CYP2U1: variants seen among roughly 807,000 people sequenced by gnomAD.
The protein encoded by CYP2U1 is cytochrome P450 family 2 subfamily U member 1.
Under a neutral mutation model 42.8 loss-of-function variants are expected in CYP2U1, and 28 were observed. That is an observed-to-expected ratio of 0.65 (90% CI 0.48 to 0.90). The LOEUF (loss-of-function observed/expected upper bound fraction) is 0.90. Among genes scored for constraint, CYP2U1 ranks in the 40% least tolerant of loss-of-function variants. CYP2U1 has a pLI of 0.00. For missense variants in CYP2U1, 642 were observed against 693.8 expected (o/e 0.93, Z 0.84); for synonymous variants, 296 against 278.9 (o/e 1.06, Z -0.61).
At chr4:107,932,542 G>A (rs549326806) in intron 1 of CYP2U1, among the ~76,000 whole-genome samples, 1 of 152,174 alleles carries the variant, frequency 6.6e-6, no homozygotes, top group African/African-American at 2.4e-5. Context: ...TGTGGGTTTC[G>A]AATGTAAGAA....
At chr4:107,945,644 G>T in intron 2 of CYP2U1, 39 bp downstream of exon 2, 1 of 1,522,504 alleles carries the variant, frequency 6.6e-7, no homozygotes, top group South Asian at 1.3e-5. Flanking sequence ...GGCAAAACCA[G>T]GTAATTTAAA....
Position 107,952,049 on chromosome 4 carries a change from T to C in CYP2U1, c.*1626T>C, listed in dbSNP as rs1156616230. The stretch of plus-strand genomic sequence containing the variant: ...CTGGAGTTGTGTGTGTCTGTCTTCA[T>C]CCCAGGCTGAGCTCCTTGAGGTGAG... On this transcript the variant is annotated 3_prime_UTR_variant, in exon 5 of 5. Transcript: ENST00000332884. The C allele has an allele frequency of 6.6e-6, 1 of 152,322 alleles. No homozygotes were observed. Among genetic ancestry groups the C allele is most frequent in the Non-Finnish European group, 1.5e-5 (1 of 68,084 alleles). 9.4% of individuals were successfully genotyped at this position (152,322 alleles called of 1,614,324 possible).
At chr4:107,940,085 C>CT (rs375033950) in intron 1 of CYP2U1, 24,042 of 142,422 alleles carry the variant, frequency 0.17, 2,141 homozygotes, top group Non-Finnish European at 0.21. Flanking sequence ...CTTTTTTTTC[C>CT]TTTTTTTTTT....
At position 107,949,342 on chromosome 4, in the gene CYP2U1, T is replaced by C. The variant is rs1733827276; in HGVS notation, c.1289-8T>C. ...TGAATAACACCCATATGTTTCCTTTTGTTTTAGTGCTCCAAGGGTATACCA... is the reference window on the plus strand; with the variant it reads ...TGAATAACACCCATATGTTTCCTTTCGTTTTAGTGCTCCAAGGGTATACCA... On this transcript the variant is annotated splice_region_variant and splice_polypyrimidine_tract_variant and intron_variant, in intron 3 of 4. Coordinates refer to ENST00000332884, the MANE Select transcript of CYP2U1 (RefSeq NM_183075.3). 1.3e-6 allele frequency: 2 copies of C among 1,496,842 alleles called. No homozygotes were observed. The highest frequency in any genetic ancestry group is 1.8e-6 in the Non-Finnish European group (2 of 1,118,508). The allele number at this position is 1,496,842 out of a possible 1,614,324, so 92.7% of individuals were successfully genotyped here.
At chr4:107,947,593 C>G in intron 3 of CYP2U1, 56 bp downstream of exon 3, 1 of 1,581,990 alleles carries the variant, frequency 6.3e-7, no homozygotes, top group South Asian at 1.1e-5. Flanking sequence ...GCCCTCTAAT[C>G]CAGGGTAGTT....
intron 1 of CYP2U1, among the ~76,000 whole-genome samples, chr4:107,939,450 A>G (rs1022708640): frequency 1.3e-5 from 2 of 152,232 alleles, no homozygotes; most frequent in African/African-American, 4.8e-5. Flanking sequence ...ATACCATACC[A>G]GAGGAATGTT....
At position 107,932,072 on chromosome 4, in the gene CYP2U1, G is replaced by C; in HGVS notation, c.429G>C (p.Gln143His). ...GCGTGCGCGAGGCGCTGGTGCAGCA[G>C]GCCGAGGTCTTCAGCGACCGCCCGC... ...FHSVREALVQQAEVFSDRPRV... is the reference protein window; with the variant it reads ...FHSVREALVQHAEVFSDRPRV... The change falls in exon 1 of 5, where the codon CAG becomes CAC. Residue 143 changes from glutamine (Q) to histidine (H), a missense_variant. By Grantham distance (24) the Gln-to-His change is conservative. Transcript: ENST00000332884. 6.3e-7 allele frequency: 1 copy of C among 1,593,706 alleles called. No homozygotes were observed. The highest frequency in any genetic ancestry group is 8.5e-7 in the Non-Finnish European group (1 of 1,171,058).
chr4:107,936,270 G>A (rs890789504), intron 1 of CYP2U1: 1 of 152,196 alleles, frequency 6.6e-6, no homozygotes, highest in African/African-American at 2.4e-5. Flanking sequence ...ATGGTTTGAA[G>A]GTGTCCCCAA....
At chr4:107,940,664 T>C (rs1434816357) in intron 1 of CYP2U1, 1 of 152,164 alleles carries the variant, frequency 6.6e-6, no homozygotes, top group Non-Finnish European at 1.5e-5. Flanking sequence ...TCTCTGGCTG[T>C]ACAAAGGCGG....
intron 1 of CYP2U1, among the ~76,000 whole-genome samples, chr4:107,937,092 A>G (rs1733299601): frequency 6.6e-6 from 1 of 152,234 alleles, no homozygotes; most frequent in Admixed American, 6.5e-5. Flanking sequence ...GGAGACTTGG[A>G]GCAAGAGTCA....
intron 1 of CYP2U1, among the ~76,000 whole-genome samples, chr4:107,943,066 T>C (rs971942432): frequency 5.9e-5 from 9 of 152,128 alleles, no homozygotes; most frequent in African/African-American, 1.9e-4. Context: ...AATTACAGAA[T>C]AGGAAATCTG....
intron 1 of CYP2U1, among the ~76,000 whole-genome samples, chr4:107,941,541 G>GCAAATGT (rs919256791): frequency 2.0e-5 from 3 of 151,444 alleles, no homozygotes; most frequent in Admixed American, 6.6e-5. Context: ...AAAAAAGCAA[G>GCAAATGT]CAAATGTCAA....
Position 107,945,060 on chromosome 4 carries a change from G to T in CYP2U1, c.581G>T (p.Ser194Ile), listed in dbSNP as rs1227929787. ...CGTCATTTTGGGTTGGGAAAACTTA[G>T]CTTGGAGCCCAAGATTATTGAGGAG... Reference protein sequence around the residue: ...TLRHFGLGKLSLEPKIIEEFK... With the variant: ...TLRHFGLGKLILEPKIIEEFK... Residue 194 changes from serine to isoleucine, a missense_variant, in exon 2 of 5, where the codon AGC becomes ATC. By Grantham distance (142) the Ser-to-Ile change is moderately radical (BLOSUM62 -2). Coordinates refer to ENST00000332884, the MANE Select transcript of CYP2U1 (RefSeq NM_183075.3). 6 of 1,613,626 alleles carry T rather than the reference G, an allele frequency of 3.7e-6. No homozygotes were observed. The South Asian group carries it at 6.6e-5, about 18-fold the overall frequency.
chr4:107,945,400 GTCTCTGGA>G lies in CYP2U1; in HGVS notation c.923_930del (p.Ser308Ter). On this transcript the variant is annotated frameshift_variant, in exon 2 of 5. Coordinates refer to ENST00000332884, the MANE Select transcript of CYP2U1 (RefSeq NM_183075.3). LOFTEE classifies it high-confidence loss of function. ...AAAAAATCATCAAAGACCATCAAGA[GTCTCTGGA>G]TAGAGAGAACCCTCAGGACTTCATA... is the stretch of plus-strand genomic sequence containing the variant. 2 of 1,613,996 alleles carry G rather than the reference GTCTCTGGA, an allele frequency of 1.2e-6. No homozygotes were observed. The highest frequency in any genetic ancestry group is 1.7e-6 in the Non-Finnish European group (2 of 1,179,998).
chr4:107,937,957 CTGTT>C (rs1279475576), intron 1 of CYP2U1: 1 of 152,048 alleles, frequency 6.6e-6, no homozygotes, highest in Non-Finnish European at 1.5e-5. Flanking sequence ...TGTATAATAT[CTGTT>C]TGTGAGAATG....
At chr4:107,944,729 T>G (rs1363245144) in intron 1 of CYP2U1, among the ~76,000 whole-genome samples, 1 of 150,160 alleles carries the variant, frequency 6.7e-6, no homozygotes, top group Non-Finnish European at 1.5e-5. Context: ...TATAATAAGC[T>G]TTAGAGCAAA....
In CYP2U1 at chr4:107,947,823, A is replaced by G. The variant is rs367681395; in HGVS notation, c.1288+286A>G. 4.6e-5 allele frequency among the ~76,000 whole-genome samples: 7 copies of G among 152,336 alleles called. No individual in the cohort carries two copies. The East Asian group carries it at 9.6e-4, about 21-fold the overall frequency. On this transcript the variant is annotated intron_variant, in intron 3 of 4. Coordinates refer to ENST00000332884, the MANE Select transcript of CYP2U1 (RefSeq NM_183075.3). ...AATAATGTCAAAATTTAAATTGGCTATGTTGGCAGAAAAAGCTCCAGAATT... is the reference window on the plus strand; with the variant it reads ...AATAATGTCAAAATTTAAATTGGCTGTGTTGGCAGAAAAAGCTCCAGAATT...
At chr4:107,949,810 A>C (rs1244334053) in intron 4 of CYP2U1, among the ~76,000 whole-genome samples, 1 of 152,148 alleles carries the variant, frequency 6.6e-6, no homozygotes, top group Non-Finnish European at 1.5e-5. Flanking sequence ...GGTGGGTGAG[A>C]GGATGGGTTC....
intron 1 of CYP2U1, among the ~76,000 whole-genome samples, chr4:107,941,936 A>T (rs191773398): frequency 6.6e-5 from 10 of 152,352 alleles, no homozygotes; most frequent in African/African-American, 1.2e-4. Flanking sequence ...TCATTCGTGA[A>T]TATACTATTT....
Sources: allele counts gnomAD v4.1 joint callset (sites outside exome capture counted in the v4.1 genomes callset), GRCh38; gene constraint gnomAD v4.1.1; transcripts MANE v1.5; gene names NCBI Gene and HGNC (gene_info 2026-07-23, HGNC 2026-07-21).